The following XKR9 variants were observed in gnomAD, a reference collection of about 807,000 sequenced individuals.
XKR9 encodes the protein XK related 9.
In XKR9, 32 loss-of-function variants were observed where a neutral mutation model predicts 32.0. The observed-to-expected ratio is 1.00, with a 90% CI of 0.76 to 1.34. The LOEUF (loss-of-function observed/expected upper bound fraction) is 1.34, where lower values mean the gene tolerates loss of function less well. XKR9 is among the 40% of genes most tolerant of loss of function. The pLI is 0.00. For synonymous variants in XKR9, 168 were observed against 143.4 expected (o/e 1.17, Z -1.22); for missense variants, 546 against 429.7 (o/e 1.27, Z -2.39).
At chr8:70,684,632 T>A (rs1819198047) in intron 3 of XKR9, among the ~76,000 whole-genome samples, 1 of 151,198 alleles carries the variant, frequency 6.6e-6, no homozygotes, top group Non-Finnish European at 1.5e-5. Context: ...TACAATGAAC[T>A]CAAACAAATT....
In XKR9 at chr8:70,733,912, A is replaced by C; in HGVS notation, c.610A>C (p.Thr204Pro). The stretch of plus-strand genomic sequence containing the variant: ...TCTTAATGGATTATGTCCCAAAATC[A>C]CATATCTCTTTTACAAGTTGTTTAC... ...KLLNGLCPKI[T>P]YLFYKLFTLL... The change falls in exon 5 of 5, where the codon ACA becomes CCA. Residue 204 changes from threonine to proline, a missense_variant. Transcript: ENST00000408926. 1 of 1,613,034 alleles carries C rather than the reference A, an allele frequency of 6.2e-7. No individual in the cohort carries two copies. The highest frequency in any genetic ancestry group is 8.5e-7 in the Non-Finnish European group (1 of 1,179,740).
the XKR9 span, among the ~76,000 whole-genome samples, chr8:70,948,546 G>C: frequency 4.0e-5 from 6 of 151,666 alleles, no homozygotes; most frequent in African/African-American, 1.2e-4. Context: ...TCATTGCTGG[G>C]GAGACTGGGC....
intron 2 of XKR9, among the ~76,000 whole-genome samples, chr8:70,769,240 T>G (rs1419507630): frequency 6.6e-6 from 1 of 151,992 alleles, no homozygotes; most frequent in Admixed American, 6.6e-5. Flanking sequence ...TTTTTTTTTT[T>G]TTTTAAGAAT....
chr8:70,857,978 A>G, the XKR9 span, among the ~76,000 whole-genome samples: 2 of 152,184 alleles, frequency 1.3e-5, 1 homozygote, highest in South Asian at 4.1e-4. Flanking sequence ...AAATAACAAG[A>G]GCTATCTAAT....
the XKR9 span, among the ~76,000 whole-genome samples, chr8:70,988,813 T>A: frequency 6.6e-6 from 1 of 152,198 alleles, no homozygotes; most frequent in Non-Finnish European, 1.5e-5. Context: ...CCAATAAACA[T>A]GAATCCCTCC....
At chr8:71,027,553 T>C in the XKR9 span, among the ~76,000 whole-genome samples, 1 of 151,578 alleles carries the variant, frequency 6.6e-6, no homozygotes, top group Non-Finnish European at 1.5e-5. Context: ...TTGACAAAGC[T>C]CTCACCTGAG....
chr8:70,968,741 G>T, the XKR9 span, among the ~76,000 whole-genome samples: 1 of 152,108 alleles, frequency 6.6e-6, no homozygotes, highest in East Asian at 1.9e-4. Flanking sequence ...GACCTCATTT[G>T]CCTTGGTCCC....
At chr8:70,749,145 G>A (rs1807099227) in intron 2 of XKR9, among the ~76,000 whole-genome samples, 1 of 152,212 alleles carries the variant, frequency 6.6e-6, no homozygotes, top group Non-Finnish European at 1.5e-5. Context: ...GAGTTGTTCT[G>A]TCACTCAGTG....
intron 2 of XKR9, among the ~76,000 whole-genome samples, chr8:70,784,727 A>G (rs1434396599): frequency 6.6e-6 from 1 of 152,068 alleles, no homozygotes; most frequent in Non-Finnish European, 1.5e-5. Context: ...ACCACTTGCA[A>G]TACTATGTTG....
chr8:70,711,924 C>T (rs4478609), intron 4 of XKR9, among the ~76,000 whole-genome samples: 41,559 of 144,314 alleles, frequency 0.29, 7,814 homozygotes, highest in Non-Finnish European at 0.42. Context: ...ATACCTAACC[C>T]CAGTGATACA....
intron 2 of XKR9, chr8:70,780,869 G>C (rs749182926): frequency 2.0e-5 from 3 of 151,330 alleles, no homozygotes; most frequent in Non-Finnish European, 2.9e-5. Context: ...ACCAACAATT[G>C]GTTTCAACAC....
chr8:70,683,043 T>A (rs1819137892), intron 3 of XKR9, among the ~76,000 whole-genome samples: 1 of 152,166 alleles, frequency 6.6e-6, no homozygotes, highest in Non-Finnish European at 1.5e-5. Flanking sequence ...AGAATCCAGG[T>A]TTTCAACCTC....
At chr8:71,021,512 T>G in the XKR9 span, among the ~76,000 whole-genome samples, 2 of 144,132 alleles carry the variant, frequency 1.4e-5, no homozygotes, top group Admixed American at 1.4e-4. Context: ...TTTTTTTTTT[T>G]TTTTTTTTGA....
At chr8:70,910,611 A>T in the XKR9 span, among the ~76,000 whole-genome samples, 2 of 152,244 alleles carry the variant, frequency 1.3e-5, no homozygotes, top group Non-Finnish European at 2.9e-5. Flanking sequence ...AGAACTCAGG[A>T]ACAAGCCTCT....
chr8:70,983,510 G>T, the XKR9 span, among the ~76,000 whole-genome samples: 4 of 152,210 alleles, frequency 2.6e-5, no homozygotes, highest in Non-Finnish European at 5.9e-5. Flanking sequence ...GCCGGGCACA[G>T]TGGCTAATGC....
the XKR9 span, among the ~76,000 whole-genome samples, chr8:70,853,034 A>G: frequency 6.6e-6 from 1 of 152,144 alleles, no homozygotes; most frequent in Non-Finnish European, 1.5e-5. Context: ...AAAATGTGGT[A>G]CATATACACA....
At chr8:70,757,589 A>G (rs943501930) in intron 2 of XKR9, among the ~76,000 whole-genome samples, 3 of 151,468 alleles carry the variant, frequency 2.0e-5, no homozygotes, top group African/African-American at 7.3e-5. Flanking sequence ...GTATGTATGC[A>G]TGTATTTATT....
At chr8:70,870,272 G>C in the XKR9 span, among the ~76,000 whole-genome samples, 1 of 152,202 alleles carries the variant, frequency 6.6e-6, no homozygotes, top group Admixed American at 6.5e-5. Context: ...CCACAAATGT[G>C]ATGGGTACTC....
Position 70,734,709 on chromosome 8 carries a change from G to A in XKR9, c.*285G>A, listed in dbSNP as rs937928760. 9.0e-6 allele frequency: 2 copies of A among 221,226 alleles called. No homozygotes were observed. The highest frequency in any genetic ancestry group is 4.7e-5 in the African/African-American group (2 of 42,680). The allele number at this position is 221,226 out of a possible 1,614,324, so 13.7% of individuals were successfully genotyped here. On this transcript the variant is annotated 3_prime_UTR_variant, in exon 5 of 5. Transcript: ENST00000408926. Reference sequence around the variant, plus strand: ...TTCATAATGAGAAGGCTGGAATTGAGCTTCCCTCCCATTTTCCTTGTTCCT... The same window carrying A: ...TTCATAATGAGAAGGCTGGAATTGAACTTCCCTCCCATTTTCCTTGTTCCT...
Sources: gnomAD v4.1 joint callset for allele counts (sites outside exome capture counted in the v4.1 genomes callset) on GRCh38, gnomAD v4.1.1 for gene constraint, MANE v1.5 for transcripts, NCBI Gene and HGNC (gene_info 2026-07-23, HGNC 2026-07-21) for gene names.